The following PIWIL1 variants were observed in gnomAD, a reference collection of about 807,000 sequenced individuals.
The protein encoded by PIWIL1 is piwi like RNA-mediated gene silencing 1.
A neutral mutation model predicts 114.4 loss-of-function variants in PIWIL1; 73 were observed. The ratio of observed to expected loss-of-function variants is 0.64; its 90% confidence interval spans 0.53 to 0.78. The LOEUF is 0.78. Ranked by LOEUF, PIWIL1 falls within the 30% of genes least tolerant of loss-of-function variation. The pLI, the probability that PIWIL1 is intolerant of heterozygous loss-of-function variation, is 0.00. For synonymous variants in PIWIL1, 375 were observed against 369.0 expected, an observed-to-expected ratio of 1.02 and a Z score of -0.19; for missense variants, 723 against 1,063.1, an observed-to-expected ratio of 0.68 and a Z score of 4.45.
chr12:130,356,002 G>T (rs1441643814), intron 12 of PIWIL1, among the ~76,000 whole-genome samples: 2 of 151,926 alleles, frequency 1.3e-5, no homozygotes, highest in African/African-American at 4.8e-5. Context: ...CCTGTAGCTG[G>T]GTCCTCAAAA....
intron 13 of PIWIL1, 96 bp downstream of exon 13, chr12:130,357,201 A>C: frequency 9.6e-7 from 1 of 1,042,258 alleles, no homozygotes; most frequent in Admixed American, 2.5e-5. Flanking sequence ...ATCTTAATTG[A>C]AAGGTTTGAT....
At chr12:130,350,938 T>G (rs1036140169) in intron 9 of PIWIL1, 3 of 152,094 alleles carry the variant, frequency 2.0e-5, no homozygotes, top group Admixed American at 6.5e-5. Context: ...GAGGGAGGGA[T>G]TCTATGAGAC....
intron 14 of PIWIL1, among the ~76,000 whole-genome samples, chr12:130,359,510 C>G (rs1037297303): frequency 3.9e-5 from 6 of 152,148 alleles, no homozygotes; most frequent in African/African-American, 1.2e-4. Flanking sequence ...GGGAGGGTGT[C>G]TCACAAGTAG....
At chr12:130,357,185 T>A in intron 13 of PIWIL1, 80 bp downstream of exon 13, 1 of 1,115,166 alleles carries the variant, frequency 9.0e-7, no homozygotes, top group Non-Finnish European at 1.3e-6. Context: ...ACATACAAAC[T>A]ACGTTATCTT....
chr12:130,372,838 G>GC (rs1200368231), downstream of PIWIL1, among the ~76,000 whole-genome samples: 2 of 152,080 alleles, frequency 1.3e-5, no homozygotes, highest in Non-Finnish European at 2.9e-5. Flanking sequence ...AGGAACGTTT[G>GC]CAAAGAGAAG....
rs2073309050 is a variant in PIWIL1, at chr12:130,354,527, T to C, written c.1045-10T>C. ...TGCCGTGAACAGCGACCCTTTCGTC[T>C]CTTGAGCAGCAATACAACCAAGAGA... is the stretch of plus-strand genomic sequence containing the variant. On this transcript the variant is annotated splice_polypyrimidine_tract_variant and intron_variant, in intron 9 of 20. Coordinates refer to ENST00000245255, the MANE Select transcript of PIWIL1 (RefSeq NM_004764.5). The C allele has an allele frequency of 6.2e-7, 1 of 1,613,982 alleles. No homozygotes were observed. The highest frequency in any genetic ancestry group is 8.5e-7 in the Non-Finnish European group (1 of 1,180,014).
At chr12:130,338,182 G>T (rs1362832631) in intron 1 of PIWIL1, 36 bp downstream of exon 1, 1 of 332,836 alleles carries the variant, frequency 3.0e-6, no homozygotes. Flanking sequence ...GTGTGCGGGG[G>T]CCGGGATGCG....
intron 1 of PIWIL1, among the ~76,000 whole-genome samples, chr12:130,338,962 T>C (rs1415592508): frequency 1.3e-5 from 2 of 151,806 alleles, no homozygotes; most frequent in Non-Finnish European, 2.9e-5. Flanking sequence ...GGTCTCCGCA[T>C]TGGCGGCCGT....
intron 19 of PIWIL1, among the ~76,000 whole-genome samples, chr12:130,370,735 A>G (rs2073795264): frequency 1.3e-5 from 2 of 152,286 alleles, no homozygotes; most frequent in Admixed American, 1.3e-4. Context: ...GCAAGAGGGG[A>G]AAAGATTCCG....
intron 19 of PIWIL1, among the ~76,000 whole-genome samples, chr12:130,368,222 C>T (rs181945516): frequency 5.5e-4 from 84 of 152,262 alleles, no homozygotes; most frequent in African/African-American, 1.9e-3. Context: ...CTCAGGACAG[C>T]GAATCGTTGG....
chr12:130,346,300 C>CA (rs1343291472), intron 4 of PIWIL1, 70 bp from the exon 5 acceptor site: 19 of 1,208,324 alleles, frequency 1.6e-5, no homozygotes, highest in African/African-American at 1.5e-4. Context: ...CCTGCCTTGT[C>CA]ATGGTAGGAA....
the PIWIL1 span, chr12:130,399,960 CAGG>C: frequency 1.1e-6 from 1 of 893,400 alleles, no homozygotes; most frequent in East Asian, 2.6e-5. Flanking sequence ...GACTCTAAAT[CAGG>C]GTTTCCAAAT....
chr12:130,406,771 T>C, the PIWIL1 span, among the ~76,000 whole-genome samples: 1 of 152,172 alleles, frequency 6.6e-6, no homozygotes, highest in Non-Finnish European at 1.5e-5. Context: ...CTCAGCCTCC[T>C]GAGCAGCTGG....
the PIWIL1 span, chr12:130,383,986 TTTG>T: frequency 5.3e-5 from 8 of 152,244 alleles, no homozygotes; most frequent in African/African-American, 1.7e-4. Context: ...ATGAACATCT[TTTG>T]TGTCATGACA....
chr12:130,388,873 A>G, the PIWIL1 span, among the ~76,000 whole-genome samples: 368 of 152,264 alleles, frequency 2.4e-3, no homozygotes, highest in Middle Eastern at 3.4e-3. Flanking sequence ...TCTGCAAACA[A>G]TGATAATTCT....
In PIWIL1 at chr12:130,354,871, A is replaced by C. The variant is rs2073322066; in HGVS notation, c.1172-17A>C. The C allele has an allele frequency of 6.4e-7, 1 of 1,556,348 alleles. No homozygotes were observed. Among genetic ancestry groups the C allele is most frequent in the East Asian group, 2.2e-5 (1 of 44,592 alleles). ...ATTATTTCTTTAACCATATGCCTTT[A>C]AATGTCTTATTTAAAGGTCTAACTG... On this transcript the variant is annotated splice_polypyrimidine_tract_variant and intron_variant, in intron 10 of 20. Coordinates refer to ENST00000245255, the MANE Select transcript of PIWIL1 (RefSeq NM_004764.5).
the PIWIL1 span, among the ~76,000 whole-genome samples, chr12:130,395,950 G>GGTA: frequency 6.6e-6 from 1 of 151,664 alleles, no homozygotes; most frequent in Non-Finnish European, 1.5e-5. Flanking sequence ...GACTGTTACT[G>GGTA]GTAGTATGAG....
At chr12:130,417,157 G>A in the PIWIL1 span, among the ~76,000 whole-genome samples, 7 of 152,144 alleles carry the variant, frequency 4.6e-5, no homozygotes, top group African/African-American at 1.7e-4. Flanking sequence ...ACGGAAATTA[G>A]TTCAGCCACT....
intron 1 of PIWIL1, chr12:130,342,192 CTGTG>C: frequency 6.3e-6 from 1 of 159,602 alleles, no homozygotes; most frequent in East Asian, 1.7e-4. Context: ...GTGTGTGTGT[CTGTG>C]TATGGGAGTA....
Sources: gnomAD v4.1 joint callset for allele counts (sites outside exome capture counted in the v4.1 genomes callset) on GRCh38, gnomAD v4.1.1 for gene constraint, MANE v1.5 for transcripts, NCBI Gene and HGNC (gene_info 2026-07-23, HGNC 2026-07-21) for gene names.